Variants in MALRD1 observed in about 807,000 individuals in gnomAD.
The protein encoded by MALRD1 is MAM and LDL-receptor class A domain-containing protein 1.
MALRD1 carries 247 observed loss-of-function variants against 242.1 expected under a neutral mutation model. That is an observed-to-expected ratio of 1.02 (90% CI 0.92 to 1.13). The LOEUF (loss-of-function observed/expected upper bound fraction) is 1.13. Among genes scored for constraint, MALRD1 ranks in the 50% most tolerant of loss-of-function variants. The pLI is 0.00. For synonymous variants in MALRD1, 995 were observed against 866.6 expected (o/e 1.15, Z -2.60); for missense variants, 2,989 against 2,533.1 (o/e 1.18, Z -3.86).
At chr10:19,614,269 G>T (rs1320365251) in intron 35 of MALRD1, among the ~76,000 whole-genome samples, 1 of 151,876 alleles carries the variant, frequency 6.6e-6, no homozygotes, top group Non-Finnish European at 1.5e-5. Flanking sequence ...AGAGCAACTG[G>T]GCTCCTGTGC....
intron 14 of MALRD1, among the ~76,000 whole-genome samples, chr10:19,185,307 G>A (rs1835689184): frequency 6.6e-6 from 1 of 152,050 alleles, no homozygotes; most frequent in Admixed American, 6.6e-5. Context: ...AACATTTAGT[G>A]AGCACTATAA....
intron 38 of MALRD1, among the ~76,000 whole-genome samples, chr10:19,715,045 T>C (rs921638990): frequency 1.2e-4 from 18 of 152,350 alleles, no homozygotes; most frequent in Admixed American, 6.5e-4. Context: ...TGTATAAATA[T>C]GTACGTGCAC....
chr10:19,353,266 C>G (rs925717352), intron 26 of MALRD1, among the ~76,000 whole-genome samples: 3 of 151,966 alleles, frequency 2.0e-5, no homozygotes, highest in Non-Finnish European at 2.9e-5. Context: ...CTTGGCCTCC[C>G]GAAGTACTGG....
At chr10:19,593,277 A>G (rs747658032) in intron 33 of MALRD1, among the ~76,000 whole-genome samples, 1 of 152,282 alleles carries the variant, frequency 6.6e-6, no homozygotes, top group Non-Finnish European at 1.5e-5. Context: ...CTACTTAAAT[A>G]TACTTATTTC....
chr10:19,119,011 A>T (rs1588571565), intron 5 of MALRD1, among the ~76,000 whole-genome samples: 1 of 152,282 alleles, frequency 6.6e-6, no homozygotes, highest in African/African-American at 2.4e-5. Flanking sequence ...TACTAAGATG[A>T]TCAGGAAAGA....
At chr10:19,389,238 T>C (rs1178196481) in intron 27 of MALRD1, 1 of 664,422 alleles carries the variant, frequency 1.5e-6, no homozygotes, top group Non-Finnish European at 2.8e-6. Context: ...ATCTGCATAC[T>C]GTGAAGCACG....
chr10:19,141,712 G>T (rs535351596), intron 10 of MALRD1, among the ~76,000 whole-genome samples: 4 of 152,010 alleles, frequency 2.6e-5, no homozygotes, highest in South Asian at 2.1e-4. Flanking sequence ...TGAAAAAGGG[G>T]TTTTTTAAAT....
intron 2 of MALRD1, among the ~76,000 whole-genome samples, chr10:19,079,911 C>G (rs188302505): frequency 6.6e-6 from 1 of 152,016 alleles, no homozygotes; most frequent in Non-Finnish European, 1.5e-5. Flanking sequence ...TGATAAGCAA[C>G]TTCAGCAATC....
chr10:19,505,573 C>T lies in MALRD1; in HGVS notation c.5320+6927C>T, dbSNP rs148340500. Among the ~76,000 whole-genome samples, 363 of 152,244 alleles carry T rather than the reference C, an allele frequency of 2.4e-3. 6 individuals carry two copies. In the East Asian group the frequency reaches 0.049, roughly 21 times the overall value. ...GAACTGTGAAGAAATAAATTTCTGTCGTTTAAGTCATTCAGCCTCTGGTAT... is the reference window on the plus strand; with the variant it reads ...GAACTGTGAAGAAATAAATTTCTGTTGTTTAAGTCATTCAGCCTCTGGTAT... On this transcript the variant is annotated intron_variant, in intron 31 of 39. Coordinates refer to ENST00000454679, the MANE Select transcript of MALRD1 (RefSeq NM_001142308.3).
intron 29 of MALRD1, among the ~76,000 whole-genome samples, chr10:19,490,079 C>T (rs2131212653): frequency 6.6e-6 from 1 of 152,190 alleles, no homozygotes; most frequent in Admixed American, 6.5e-5. Context: ...GCTGGAAAGT[C>T]ACTGGAATCA....
At chr10:19,094,743 A>G (rs1227167463) in intron 4 of MALRD1, among the ~76,000 whole-genome samples, 1 of 152,252 alleles carries the variant, frequency 6.6e-6, no homozygotes, top group African/African-American at 2.4e-5. Flanking sequence ...TTGAAGTAGA[A>G]TAATTGTCAT....
intron 23 of MALRD1, 128 bp from the exon 24 acceptor site, chr10:19,331,241 A>T: frequency 1.3e-6 from 1 of 784,830 alleles, no homozygotes; most frequent in Non-Finnish European, 1.9e-6. Flanking sequence ...GACATAAAAA[A>T]CAAAAACAAA....
rs190311102 is a variant in MALRD1 at position 19,382,409 on chromosome 10, A to T, written c.4442-5119A>T. The stretch of plus-strand genomic sequence containing the variant: ...CTTAGAGAAATGGAGAGAAATGGAC[A>T]TAGTAAAAGGAACGTTGGCATAAAA... On this transcript the variant is annotated intron_variant, in intron 26 of 39. Coordinates refer to ENST00000454679, the MANE Select transcript of MALRD1 (RefSeq NM_001142308.3). Among the ~76,000 whole-genome samples, 314 of 152,192 alleles carry T rather than the reference A, an allele frequency of 2.1e-3. 2 individuals are homozygous for T. In the South Asian group the frequency reaches 0.026, roughly 13 times the overall value.
intron 29 of MALRD1, among the ~76,000 whole-genome samples, chr10:19,456,853 ACCTCCAC>A (rs1337686898): frequency 6.6e-6 from 1 of 150,894 alleles, no homozygotes; most frequent in Non-Finnish European, 1.5e-5. Flanking sequence ...GCTCACTGCA[ACCTCCAC>A]CTCCTGGGTT....
chr10:19,125,311 T>TTTC (rs1449978831), intron 7 of MALRD1, among the ~76,000 whole-genome samples: 55 of 59,144 alleles, frequency 9.3e-4, no homozygotes, highest in African/African-American at 7.1e-4. Flanking sequence ...CCTTCCTTCC[T>TTTC]TCCTTCCTTC....
At chr10:19,270,334 TCTCACACACACA>T (rs910997852) in intron 19 of MALRD1, among the ~76,000 whole-genome samples, 6 of 75,610 alleles carry the variant, frequency 7.9e-5, no homozygotes, top group African/African-American at 2.5e-4. Context: ...TCTCTCTCTC[TCTCACACACACA>T]CACACACACA....
chr10:19,560,907 A>C (rs1276756660), intron 32 of MALRD1, among the ~76,000 whole-genome samples: 1 of 152,246 alleles, frequency 6.6e-6, no homozygotes, highest in Non-Finnish European at 1.5e-5. Context: ...GTGTATACCT[A>C]TGTAACAAAC....
At chr10:19,727,143 C>G (rs954746402) in intron 38 of MALRD1, among the ~76,000 whole-genome samples, 2 of 152,068 alleles carry the variant, frequency 1.3e-5, no homozygotes, top group African/African-American at 4.8e-5. Context: ...AGTAACATTA[C>G]TGAAAACCAT....
chr10:19,246,720 A>G (rs1296753812), intron 18 of MALRD1, among the ~76,000 whole-genome samples: 1 of 152,154 alleles, frequency 6.6e-6, no homozygotes, highest in African/African-American at 2.4e-5. Flanking sequence ...TTGAGCTGCC[A>G]GATAATGCAG....
Sources: allele counts gnomAD v4.1 joint callset (sites outside exome capture counted in the v4.1 genomes callset), GRCh38; gene constraint gnomAD v4.1.1; transcripts MANE v1.5; gene names NCBI Gene and HGNC (gene_info 2026-07-23, HGNC 2026-07-21).